Variants in CMC1 observed in about 807,000 individuals in gnomAD.
CMC1 encodes COX assembly mitochondrial protein homolog.
Under a neutral mutation model 14.1 loss-of-function variants are expected in CMC1, and 14 were observed. The observed-to-expected ratio is 0.99, with a 90% confidence interval of 0.66 to 1.55. CMC1 has a LOEUF of 1.55. Among genes scored for constraint, CMC1 ranks in the 40% most tolerant of loss-of-function variants. The pLI is 0.00. For missense variants in CMC1, 127 were observed against 123.8 expected, an observed-to-expected ratio of 1.03 and a Z score of -0.12; for synonymous variants, 50 against 38.4, an observed-to-expected ratio of 1.30 and a Z score of -1.12.
chr3:28,278,060 T>TGTGATTGTGTGATTGAG (rs2125508436), intron 2 of CMC1, among the ~76,000 whole-genome samples: 1 of 152,144 alleles, frequency 6.6e-6, no homozygotes, highest in Non-Finnish European at 1.5e-5. Flanking sequence ...GTGTGATTGA[T>TGTGATTGTGTGATTGAG]GTGATTGTGT....
chr3:28,291,800 C>CT (rs1701482182), intron 2 of CMC1: 1 of 152,090 alleles, frequency 6.6e-6, no homozygotes, highest in Non-Finnish European at 1.5e-5. Flanking sequence ...GGAGAGGGAG[C>CT]ACATGGCCAA....
chr3:28,241,847 C>T, intron 1 of CMC1, 35 bp downstream of exon 1: 3 of 1,235,936 alleles, frequency 2.4e-6, no homozygotes, highest in South Asian at 4.1e-5. Context: ...GCCGAGGGGC[C>T]TCGCCCCGGG....
rs1012373443 is a variant in CMC1, at chr3:28,324,742, G to A, written c.*5113G>A. On this transcript the variant is annotated 3_prime_UTR_variant, in exon 4 of 4. Transcript: ENST00000466830. ...ATTCCTGTCCCAACTATGTCATAGA[G>A]CTTTTAAAAGATGAAGAACTACATA... The A allele has an allele frequency of 5.5e-5, 15 of 271,348 alleles. No individual in the cohort carries two copies. Among genetic ancestry groups the A allele is most frequent in the Non-Finnish European group, 8.9e-5 (13 of 145,300 alleles). 16.8% of individuals were successfully genotyped at this position (271,348 alleles called of 1,614,324 possible). A position where few individuals can be genotyped will look rare whatever the true frequency, so the allele number is the denominator to read the frequency against.
At position 28,321,537 on chromosome 3, in the gene CMC1, ATC is replaced by A. The variant is rs1703189641; in HGVS notation, c.*1910_*1911del. On this transcript the variant is annotated 3_prime_UTR_variant, in exon 4 of 4. Transcript: ENST00000466830. Reference sequence around the variant, plus strand: ...ACTGAAGATTTTTTTCACCTGGTACATCTGTCTCAGTTGTGTCTTGCTTGCTT... The same window carrying A: ...ACTGAAGATTTTTTTCACCTGGTACATGTCTCAGTTGTGTCTTGCTTGCTT... 6.6e-6 allele frequency: 1 copy of A among 151,360 alleles called. No homozygotes were observed. The highest frequency in any genetic ancestry group is 1.5e-5 in the Non-Finnish European group (1 of 67,560). The allele number at this position is 151,360 out of a possible 1,614,324, so 9.4% of individuals were successfully genotyped here.
intron 2 of CMC1, among the ~76,000 whole-genome samples, chr3:28,277,333 T>C (rs1436021210): frequency 6.6e-6 from 1 of 152,188 alleles, no homozygotes; most frequent in Non-Finnish European, 1.5e-5. Context: ...ACTAAAAATA[T>C]AATTTTACAA....
intron 2 of CMC1, among the ~76,000 whole-genome samples, chr3:28,276,323 T>C (rs1301259673): frequency 6.6e-6 from 1 of 152,208 alleles, no homozygotes; most frequent in Non-Finnish European, 1.5e-5. Flanking sequence ...TATAGTTTTT[T>C]AAACAGTTTA....
chr3:28,247,059 C>T (rs1041572658), intron 1 of CMC1, among the ~76,000 whole-genome samples: 1 of 152,080 alleles, frequency 6.6e-6, no homozygotes, highest in Admixed American at 6.5e-5. Flanking sequence ...CAAATTTCCC[C>T]AGATTTGGCC....
chr3:28,243,486 A>T (rs1698644914), intron 1 of CMC1, among the ~76,000 whole-genome samples: 1 of 152,208 alleles, frequency 6.6e-6, no homozygotes, highest in Non-Finnish European at 1.5e-5. Context: ...AATTTGGGAA[A>T]AAAGTCTTCA....
In CMC1 at chr3:28,241,672, G is replaced by C. The variant is rs1698517325; in HGVS notation, c.-122G>C. ...TGGCGGTGCTTTGCAAAGGGCCCGT[G>C]TTTCTGTTGCGGGAAGCTCCCGGGG... On this transcript the variant is annotated 5_prime_UTR_variant, in exon 1 of 4. Coordinates refer to ENST00000466830, the MANE Select transcript of CMC1 (RefSeq NM_182523.2). 2 of 1,235,018 alleles carry C rather than the reference G, an allele frequency of 1.6e-6. No homozygotes were observed. Among genetic ancestry groups the C allele is most frequent in the Non-Finnish European group, 2.0e-6 (2 of 987,892 alleles). The allele number at this position is 1,235,018 out of a possible 1,614,324, so 76.5% of individuals were successfully genotyped here.
At chr3:28,313,753 C>T (rs1702755814) in intron 2 of CMC1, among the ~76,000 whole-genome samples, 2 of 152,178 alleles carry the variant, frequency 1.3e-5, no homozygotes, top group South Asian at 4.1e-4. Flanking sequence ...CAGTTCCCTA[C>T]CAAGGACATT....
intron 1 of CMC1, among the ~76,000 whole-genome samples, chr3:28,253,137 G>C (rs750390624): frequency 2.0e-5 from 3 of 152,170 alleles, no homozygotes; most frequent in Non-Finnish European, 4.4e-5. Flanking sequence ...ACATATCTTT[G>C]TGCTGTTGAG....
intron 2 of CMC1, among the ~76,000 whole-genome samples, chr3:28,305,779 ATTTTTTTTTTTTTTTT>A (rs71087685): frequency 2.3e-5 from 1 of 43,570 alleles, no homozygotes; most frequent in South Asian, 1.6e-3. Context: ...TTTCATAGGA[ATTTTTTTTTTTTTTTT>A]TTTTTTTTTT....
At chr3:28,250,383 A>G (rs1194285528) in intron 1 of CMC1, among the ~76,000 whole-genome samples, 1 of 152,214 alleles carries the variant, frequency 6.6e-6, no homozygotes, top group Non-Finnish European at 1.5e-5. Context: ...ACAAAAAATA[A>G]GAGGTTGAAG....
chr3:28,264,878 G>A (rs1699926175), intron 2 of CMC1, among the ~76,000 whole-genome samples: 1 of 152,096 alleles, frequency 6.6e-6, no homozygotes, highest in Admixed American at 6.6e-5. Flanking sequence ...ATGAAAGAAA[G>A]CTAGCTAACT....
Position 28,315,669 on chromosome 3 carries a change from C to T in CMC1, c.110-664C>T, listed in dbSNP as rs1702861285. ...GTGCACTGCATGACAGTGTTTAGGTCAATGACAGACTACATATATGATGGT... is the reference window on the plus strand; with the variant it reads ...GTGCACTGCATGACAGTGTTTAGGTTAATGACAGACTACATATATGATGGT... On this transcript the variant is annotated intron_variant, in intron 2 of 3. Coordinates refer to ENST00000466830, the MANE Select transcript of CMC1 (RefSeq NM_182523.2). 2.0e-5 allele frequency among the ~76,000 whole-genome samples: 3 copies of T among 152,242 alleles called. No homozygotes were observed. In the South Asian group the frequency reaches 6.2e-4, roughly 32 times the overall value.
intron 2 of CMC1, among the ~76,000 whole-genome samples, chr3:28,267,926 T>G (rs1374254968): frequency 6.6e-6 from 1 of 152,202 alleles, no homozygotes; most frequent in East Asian, 1.9e-4. Flanking sequence ...TGCCTTTTTA[T>G]TTGTTGTTTG....
At position 28,324,128 on chromosome 3, in the gene CMC1, T is replaced by C; in HGVS notation, c.*4499T>C. The C allele has an allele frequency of 1.2e-6, 2 of 1,610,502 alleles. No homozygotes were observed. The highest frequency in any genetic ancestry group is 2.2e-5 in the East Asian group (1 of 44,778). ...GGTAAAGGCAAAGTTTTAGTTTTAG[T>C]TTCCCCAAATGCTGTCTCACTTGAT... On this transcript the variant is annotated 3_prime_UTR_variant, in exon 4 of 4. Transcript: ENST00000466830.
chr3:28,255,018 C>T (rs758321300), intron 1 of CMC1, among the ~76,000 whole-genome samples: 63 of 152,090 alleles, frequency 4.1e-4, no homozygotes, highest in Admixed American at 7.9e-4. Context: ...TCCACAGGTC[C>T]GCAACTGAAT....
At chr3:28,275,730 G>A (rs1700552633) in intron 2 of CMC1, among the ~76,000 whole-genome samples, 1 of 152,138 alleles carries the variant, frequency 6.6e-6, no homozygotes, top group Admixed American at 6.5e-5. Flanking sequence ...TAAGTCTGCT[G>A]ATATGAGGAG....
Sources: gnomAD v4.1 joint callset for allele counts (sites outside exome capture counted in the v4.1 genomes callset) on GRCh38, gnomAD v4.1.1 for gene constraint, MANE v1.5 for transcripts, NCBI Gene and HGNC (gene_info 2026-07-23, HGNC 2026-07-21) for gene names.